RPRD1A: variants seen among roughly 807,000 people sequenced by gnomAD.
RPRD1A encodes regulation of nuclear pre-mRNA domain-containing protein 1A.
RPRD1A carries 9 observed loss-of-function variants against 37.8 expected under a neutral mutation model. That is an observed-to-expected ratio of 0.24 (90% confidence interval 0.14 to 0.42). The LOEUF (loss-of-function observed/expected upper bound fraction) is 0.42. Ranked by LOEUF, RPRD1A falls within the 10% of genes least tolerant of loss-of-function variation. The probability of loss-of-function intolerance (pLI) is 1.00; values close to 1 mark genes in which losing one functional copy is unlikely to be tolerated. For synonymous variants in RPRD1A, 138 were observed against 139.7 expected (o/e 0.99, Z 0.08); for missense variants, 255 against 371.0 (o/e 0.69, Z 2.57).
At chr18:36,009,924 T>A (rs1910067862) in intron 6 of RPRD1A, among the ~76,000 whole-genome samples, 1 of 152,220 alleles carries the variant, frequency 6.6e-6, no homozygotes. Flanking sequence ...CTGCATTTCA[T>A]CTGTCTCTCC....
At chr18:36,037,201 T>C (rs1912254067) in intron 1 of RPRD1A, among the ~76,000 whole-genome samples, 1 of 152,170 alleles carries the variant, frequency 6.6e-6, no homozygotes, top group Non-Finnish European at 1.5e-5. Flanking sequence ...GTGATACAGT[T>C]TGGCTGTGTC....
chr18:36,006,525 T>C (rs553006184), intron 6 of RPRD1A, among the ~76,000 whole-genome samples: 297 of 152,002 alleles, frequency 2.0e-3, no homozygotes, highest in African/African-American at 7.0e-3. Flanking sequence ...GTATAGAGAG[T>C]GGTAGTTTTT....
At position 36,033,700 on chromosome 18, in the gene RPRD1A, G is replaced by C. The variant is rs747533361; in HGVS notation, c.281+8C>G. On this transcript the variant is annotated splice_region_variant and intron_variant, in intron 2 of 6. Transcript: ENST00000399022. ...CAGATTACCTAATACCCAAAACTATGATCATACCTTGAAACATGCTTAAAA... is the reference window on the plus strand; with the variant it reads ...CAGATTACCTAATACCCAAAACTATCATCATACCTTGAAACATGCTTAAAA... 1.2e-6 allele frequency: 2 copies of C among 1,604,820 alleles called. No homozygotes were observed. The highest frequency in any genetic ancestry group is 1.7e-6 in the Non-Finnish European group (2 of 1,176,216).
At chr18:36,028,279 G>A (rs1272485976) in intron 4 of RPRD1A, 3 of 151,564 alleles carry the variant, frequency 2.0e-5, no homozygotes, top group African/African-American at 7.2e-5. Context: ...ATGATCAAAT[G>A]TGGTAGGAAT....
intron 1 of RPRD1A, among the ~76,000 whole-genome samples, chr18:36,062,212 G>A (rs1467030208): frequency 1.3e-5 from 2 of 151,060 alleles, no homozygotes; most frequent in South Asian, 4.2e-4. Context: ...AGCTACTCCG[G>A]AGGCTGAGGC....
intron 6 of RPRD1A, among the ~76,000 whole-genome samples, chr18:36,002,422 T>C (rs1909480196): frequency 6.6e-6 from 1 of 152,160 alleles, no homozygotes; most frequent in African/African-American, 2.4e-5. Flanking sequence ...CACATTCTTA[T>C]TATTTTTTTT....
chr18:36,048,922 A>G (rs56230698), intron 1 of RPRD1A, among the ~76,000 whole-genome samples: 38,248 of 152,192 alleles, frequency 0.25, 5,008 homozygotes, highest in African/African-American at 0.32. Context: ...TAATAAGTGC[A>G]TTCAGCAAGA....
chr18:35,993,065 AT>A lies in RPRD1A; in HGVS notation c.*85del, dbSNP rs758578342. ...TTTTGTTAGTGTTTCTTTCTCAACA[AT>A]ATACAAAAATAACACTACAGGACTA... On this transcript the variant is annotated 3_prime_UTR_variant, in exon 7 of 7. Coordinates refer to ENST00000399022, the MANE Select transcript of RPRD1A (RefSeq NM_018170.5). 6 of 1,126,428 alleles carry A rather than the reference AT, an allele frequency of 5.3e-6. No homozygotes were observed. The highest frequency in any genetic ancestry group is 6.1e-6 in the Non-Finnish European group (5 of 826,440). 69.8% of individuals were successfully genotyped at this position (1,126,428 alleles called of 1,614,324 possible).
chr18:36,011,958 GT>G (rs1910205812), intron 6 of RPRD1A, among the ~76,000 whole-genome samples: 1 of 152,156 alleles, frequency 6.6e-6, no homozygotes, highest in South Asian at 2.1e-4. Flanking sequence ...GTTGTTCTGA[GT>G]AGCGTAATTA....
intron 1 of RPRD1A, among the ~76,000 whole-genome samples, chr18:36,053,275 G>A (rs1168991859): frequency 6.6e-6 from 1 of 152,082 alleles, no homozygotes; most frequent in Non-Finnish European, 1.5e-5. Flanking sequence ...CCTCCATCTA[G>A]TTCCAAAATA....
intron 6 of RPRD1A, among the ~76,000 whole-genome samples, chr18:36,020,600 TTC>T (rs1269896373): frequency 2.6e-5 from 4 of 152,130 alleles, no homozygotes; most frequent in Admixed American, 1.3e-4. Flanking sequence ...TTCTCTGAAA[TTC>T]TGTTAAGAAT....
chr18:36,056,609 T>A (rs1418711870), intron 1 of RPRD1A, among the ~76,000 whole-genome samples: 1 of 151,940 alleles, frequency 6.6e-6, no homozygotes, highest in East Asian at 1.9e-4. Context: ...TTAAATTTCA[T>A]ATTATTTGCA....
chr18:36,024,280 G>A (rs1441324527), intron 6 of RPRD1A, among the ~76,000 whole-genome samples: 1 of 150,376 alleles, frequency 6.6e-6, no homozygotes, highest in Non-Finnish European at 1.5e-5. Context: ...CCAAGTAGCT[G>A]GGACTACAGG....
At chr18:36,016,785 C>T (rs887624191) in intron 6 of RPRD1A, among the ~76,000 whole-genome samples, 6 of 152,144 alleles carry the variant, frequency 3.9e-5, no homozygotes, top group African/African-American at 1.4e-4. Context: ...ACAAATACTA[C>T]TTCCATAGAA....
intron 4 of RPRD1A, among the ~76,000 whole-genome samples, chr18:36,029,387 G>A (rs759618041): frequency 3.9e-5 from 6 of 152,130 alleles, no homozygotes; most frequent in Non-Finnish European, 8.8e-5. Flanking sequence ...GTGAGTTCCT[G>A]TGACCTTAAA....
intron 1 of RPRD1A, among the ~76,000 whole-genome samples, chr18:36,036,052 A>G (rs886429043): frequency 2.6e-5 from 4 of 152,148 alleles, no homozygotes; most frequent in Non-Finnish European, 2.9e-5. Flanking sequence ...CACGGAAAAA[A>G]TGAAGATGGT....
At chr18:36,021,515 A>C (rs1910992997) in intron 6 of RPRD1A, among the ~76,000 whole-genome samples, 1 of 152,196 alleles carries the variant, frequency 6.6e-6, no homozygotes, top group African/African-American at 2.4e-5. Flanking sequence ...CCAATTAAGA[A>C]TCCTACCATG....
intron 4 of RPRD1A, among the ~76,000 whole-genome samples, chr18:36,030,409 G>A (rs1485761933): frequency 1.3e-5 from 2 of 151,792 alleles, no homozygotes; most frequent in Non-Finnish European, 2.9e-5. Context: ...CTTGAACCCA[G>A]GAGGCAGAGG....
chr18:36,046,825 C>T (rs2144359092), intron 1 of RPRD1A, among the ~76,000 whole-genome samples: 1 of 150,200 alleles, frequency 6.7e-6, no homozygotes, highest in Non-Finnish European at 1.5e-5. Context: ...ACAGTGAGAG[C>T]CCATCTGAAA....
Sources: allele counts gnomAD v4.1 joint callset (sites outside exome capture counted in the v4.1 genomes callset), GRCh38; gene constraint gnomAD v4.1.1; transcripts MANE v1.5; gene names NCBI Gene and HGNC (gene_info 2026-07-23, HGNC 2026-07-21).